Variants in MMP16 observed in about 807,000 individuals in gnomAD.
The protein encoded by MMP16 is matrix metallopeptidase 16.
MMP16 carries 12 observed loss-of-function variants against 67.8 expected under a neutral mutation model. That is an observed-to-expected ratio of 0.18 (90% CI 0.11 to 0.29). MMP16 has a LOEUF of 0.29. MMP16 is among the 10% of genes least tolerant of loss of function. The pLI, the probability that MMP16 is intolerant of heterozygous loss-of-function variation, is 1.00. For missense variants in MMP16, 475 were observed against 765.7 expected (o/e 0.62, Z 4.48); for synonymous variants, 249 against 255.9 (o/e 0.97, Z 0.26).
chr8:88,250,485 T>C (rs1810192823), intron 1 of MMP16, among the ~76,000 whole-genome samples: 1 of 152,074 alleles, frequency 6.6e-6, no homozygotes, highest in Non-Finnish European at 1.5e-5. Context: ...TAAAAGCTAT[T>C]TTATTTTCCC....
chr8:88,048,439 C>A (rs1026624212), intron 8 of MMP16, among the ~76,000 whole-genome samples: 2 of 151,954 alleles, frequency 1.3e-5, no homozygotes, highest in African/African-American at 4.8e-5. Context: ...TGAATGGTCA[C>A]AAAGATTGAC....
intron 6 of MMP16, among the ~76,000 whole-genome samples, chr8:88,109,416 A>C (rs2118406314): frequency 6.6e-6 from 1 of 151,474 alleles, no homozygotes; most frequent in Non-Finnish European, 1.5e-5. Flanking sequence ...AAAATAAATA[A>C]ATGCTTTTAA....
At chr8:88,165,017 G>C (rs1808688369) in intron 4 of MMP16, among the ~76,000 whole-genome samples, 1 of 151,696 alleles carries the variant, frequency 6.6e-6, no homozygotes, top group South Asian at 2.1e-4. Flanking sequence ...TCTCCCTGTA[G>C]ATTTTTTCCC....
intron 1 of MMP16, among the ~76,000 whole-genome samples, chr8:88,286,396 A>C (rs1298060513): frequency 6.6e-6 from 1 of 152,086 alleles, no homozygotes; most frequent in Non-Finnish European, 1.5e-5. Flanking sequence ...AGTCCAACCA[A>C]AACCTTTCCA....
intron 3 of MMP16, among the ~76,000 whole-genome samples, chr8:88,171,848 A>T (rs1808808786): frequency 6.7e-6 from 1 of 149,110 alleles, no homozygotes; most frequent in Non-Finnish European, 1.5e-5. Flanking sequence ...TTTTTTTGAG[A>T]CGGAGTCTCA....
At chr8:88,307,796 A>G (rs1811233971) in intron 1 of MMP16, among the ~76,000 whole-genome samples, 1 of 152,092 alleles carries the variant, frequency 6.6e-6, no homozygotes, top group African/African-American at 2.4e-5. Flanking sequence ...ATAGCCATGT[A>G]TCAGACCACT....
rs1162727756 is a variant in MMP16, at chr8:88,032,678, G to GC, written c.*8782dup. 12 of 149,202 alleles carry GC rather than the reference G, an allele frequency of 8.0e-5. No homozygotes were observed. The highest frequency in any genetic ancestry group is 1.3e-4 in the Non-Finnish European group (9 of 67,470). 9.2% of individuals were successfully genotyped at this position (149,202 alleles called of 1,614,324 possible). A position where few individuals can be genotyped will look rare whatever the true frequency, so the allele number is the denominator to read the frequency against. The stretch of plus-strand genomic sequence containing the variant: ...TAGCCTTATATTTGCACACAAACAA[G>GC]CTTTGTGTTTGTCAGTAGAAGCTAT... On this transcript the variant is annotated 3_prime_UTR_variant, in exon 10 of 10. Coordinates refer to ENST00000286614, the MANE Select transcript of MMP16 (RefSeq NM_005941.5).
chr8:88,198,856 T>C (rs1365439251), intron 1 of MMP16, among the ~76,000 whole-genome samples: 2 of 152,094 alleles, frequency 1.3e-5, no homozygotes, highest in African/African-American at 4.8e-5. Flanking sequence ...ATCTAATCTG[T>C]AATGAACAGA....
intron 4 of MMP16, among the ~76,000 whole-genome samples, chr8:88,151,781 C>T (rs1375248934): frequency 6.7e-6 from 1 of 149,670 alleles, no homozygotes; most frequent in East Asian, 2.0e-4. Context: ...AAAATTGACA[C>T]CCTAACATCA....
intron 6 of MMP16, among the ~76,000 whole-genome samples, chr8:88,094,419 A>T (rs529311120): frequency 6.6e-6 from 1 of 151,754 alleles, no homozygotes; most frequent in South Asian, 2.1e-4. Flanking sequence ...CAAATTAACA[A>T]CCTTTTTAAC....
At chr8:88,157,161 C>A (rs1333128705) in intron 4 of MMP16, among the ~76,000 whole-genome samples, 1 of 152,036 alleles carries the variant, frequency 6.6e-6, no homozygotes, top group Non-Finnish European at 1.5e-5. Flanking sequence ...TGCAGTCAAT[C>A]AACCATGGAT....
chr8:88,065,931 T>C (rs1249674338), intron 7 of MMP16, among the ~76,000 whole-genome samples: 1 of 152,128 alleles, frequency 6.6e-6, no homozygotes, highest in Non-Finnish European at 1.5e-5. Flanking sequence ...TTGATACACA[T>C]CTTGTGTATG....
intron 2 of MMP16, 115 bp downstream of exon 2, chr8:88,197,043 A>C (rs903077248): frequency 2.1e-6 from 2 of 972,050 alleles, no homozygotes; most frequent in African/African-American, 3.4e-5. Context: ...ATTCCAAAGA[A>C]AGTTCATGAG....
In MMP16 at chr8:88,056,256, C is replaced by T. The variant is rs1192199589; in HGVS notation, c.1245G>A (p.Lys415=). 1.9e-6 allele frequency: 3 copies of T among 1,576,474 alleles called. No homozygotes were observed. The highest frequency in any genetic ancestry group is 2.6e-6 in the Non-Finnish European group (3 of 1,157,646). ...GGTAACCAGGTTGAAGAGTTGTATC[C>T]TTGAACACCCAATATTTGTTACCTG... The part of the protein sequence containing the change: ...FFKGNKYWVF[K]DTTLQPGYPH... The change falls in exon 8 of 10, where the codon AAG becomes AAA. Residue 415 remains lysine (K), a synonymous_variant. Transcript: ENST00000286614.
At chr8:88,192,445 C>T (rs1809185408) in intron 2 of MMP16, among the ~76,000 whole-genome samples, 1 of 152,190 alleles carries the variant, frequency 6.6e-6, no homozygotes, top group African/African-American at 2.4e-5. Context: ...ATTCTTTCAA[C>T]TTTTTACCTT....
At chr8:88,250,675 TAA>T (rs1405472680) in intron 1 of MMP16, among the ~76,000 whole-genome samples, 1 of 151,928 alleles carries the variant, frequency 6.6e-6, no homozygotes, top group East Asian at 1.9e-4. Context: ...TAAATATATA[TAA>T]GTTTCATTAA....
Position 88,197,182 on chromosome 8 carries a change from C to T in MMP16, c.257G>A (p.Gly86Glu). The change falls in exon 2 of 10, where the codon GGA becomes GAA. Residue 86 changes from glycine to glutamate, a missense_variant. By Grantham distance (98) the Gly-to-Glu change is moderately conservative (BLOSUM62 -2). Around this residue, in one of 5 missense-constraint regions of MMP16, gnomAD observed 170 missense variants for 239.6 expected, o/e 0.71. Coordinates refer to ENST00000286614, the MANE Select transcript of MMP16 (RefSeq NM_005941.5). ...CTCAATTGTGTTTCTGTCCACTTTT[C>T]CTGTCATGTTAATGCCATAGAACTG... ...MQQFYGINMTGKVDRNTIDWM... is the reference protein window; with the variant it reads ...MQQFYGINMTEKVDRNTIDWM... 6.2e-7 allele frequency: 1 copy of T among 1,611,372 alleles called. No homozygotes were observed. The highest frequency in any genetic ancestry group is 8.5e-7 in the Non-Finnish European group (1 of 1,179,144).
intron 1 of MMP16, among the ~76,000 whole-genome samples, chr8:88,235,568 T>C (rs1390735595): frequency 6.6e-6 from 1 of 152,156 alleles, no homozygotes; most frequent in South Asian, 2.1e-4. Context: ...GTAGTAATCC[T>C]AGTAGATCCT....
At chr8:88,208,120 G>A (rs1348158925) in intron 1 of MMP16, among the ~76,000 whole-genome samples, 1 of 152,154 alleles carries the variant, frequency 6.6e-6, no homozygotes, top group Non-Finnish European at 1.5e-5. Flanking sequence ...TAGTTTTAAT[G>A]TAGATGAAAA....
Sources: gnomAD v4.1 joint callset for allele counts (sites outside exome capture counted in the v4.1 genomes callset) on GRCh38, gnomAD v4.1.1 for gene constraint, gnomAD v4.1.1 regional missense constraint, MANE v1.5 for transcripts, NCBI Gene and HGNC (gene_info 2026-07-23, HGNC 2026-07-21) for gene names.